The following SMARCAL1 variants were observed in gnomAD, a reference collection of about 807,000 sequenced individuals.
SMARCAL1 encodes SNF2 related chromatin remodeling annealing helicase 1.
In SMARCAL1, 58 loss-of-function variants were observed where a neutral mutation model predicts 94.5. That is an observed-to-expected ratio of 0.61 (90% CI 0.50 to 0.76). SMARCAL1 has a LOEUF of 0.76. SMARCAL1 is among the 30% of genes least tolerant of loss of function. SMARCAL1 has a pLI of 0.00. For missense variants in SMARCAL1, 1,051 were observed against 1,177.9 expected, an observed-to-expected ratio of 0.89 and a Z score of 1.58; for synonymous variants, 422 against 455.1, an observed-to-expected ratio of 0.93 and a Z score of 0.93.
intron 10 of SMARCAL1, among the ~76,000 whole-genome samples, chr2:216,442,416 CAAAAAAAA>C (rs375677725): frequency 0.015 from 1,365 of 88,760 alleles, 25 homozygotes; most frequent in African/African-American, 0.046. Flanking sequence ...GACTCTGTCT[CAAAAAAAA>C]AAAAAAAAAA....
At chr2:216,450,588 A>G (rs575622702) in intron 11 of SMARCAL1, among the ~76,000 whole-genome samples, 1 of 152,338 alleles carries the variant, frequency 6.6e-6, no homozygotes, top group South Asian at 2.1e-4. Context: ...TTGCTGCTGG[A>G]AAAGAAAGCT....
rs548747273 is a variant in SMARCAL1, at chr2:216,436,751, G to C, written c.1644+1255G>C. Among the ~76,000 whole-genome samples, 3 of 152,332 alleles carry C rather than the reference G, an allele frequency of 2.0e-5. No homozygotes were observed. In the South Asian group the frequency reaches 6.2e-4, roughly 32 times the overall value. On this transcript the variant is annotated intron_variant, in intron 9 of 17. Coordinates refer to ENST00000357276, the MANE Select transcript of SMARCAL1 (RefSeq NM_014140.4). ...AGAATAATGCTTTCAATTCTTGAGT[G>C]TTGCCTTGTGTTAGGTACTGACATA...
At chr2:216,436,682 A>G (rs1333728232) in intron 9 of SMARCAL1, among the ~76,000 whole-genome samples, 1 of 152,230 alleles carries the variant, frequency 6.6e-6, no homozygotes, top group Non-Finnish European at 1.5e-5. Flanking sequence ...AAACATTCCA[A>G]GAAGTTTCCC....
At chr2:216,464,940 G>GT (rs1371316253) in intron 13 of SMARCAL1, among the ~76,000 whole-genome samples, 2 of 152,170 alleles carry the variant, frequency 1.3e-5, no homozygotes, top group African/African-American at 4.8e-5. Flanking sequence ...GAGTCCAGGA[G>GT]TTTGAGACCA....
chr2:216,453,701 C>CCT (rs1160431331), intron 12 of SMARCAL1, among the ~76,000 whole-genome samples: 3 of 152,270 alleles, frequency 2.0e-5, no homozygotes, highest in African/African-American at 7.2e-5. Context: ...TAGAAAGTCC[C>CCT]CTCTCTCCAC....
intron 8 of SMARCAL1, among the ~76,000 whole-genome samples, chr2:216,433,959 T>G (rs960790358): frequency 6.6e-6 from 1 of 150,754 alleles, no homozygotes; most frequent in African/African-American, 2.4e-5. Flanking sequence ...CACCTTGTTT[T>G]TTTTCTGTCC....
intron 10 of SMARCAL1, among the ~76,000 whole-genome samples, chr2:216,443,807 A>G (rs1281589208): frequency 6.6e-6 from 1 of 152,198 alleles, no homozygotes; most frequent in Non-Finnish European, 1.5e-5. Flanking sequence ...GGCCATAATT[A>G]TGCTGCTTTC....
intron 5 of SMARCAL1, among the ~76,000 whole-genome samples, chr2:216,422,492 C>T (rs1693746364): frequency 6.6e-6 from 1 of 152,198 alleles, no homozygotes; most frequent in Admixed American, 6.5e-5. Flanking sequence ...TGCTCACACC[C>T]AGGTGTCCAA....
At chr2:216,434,197 G>T (rs1694023753) in intron 8 of SMARCAL1, among the ~76,000 whole-genome samples, 1 of 151,994 alleles carries the variant, frequency 6.6e-6, no homozygotes, top group Non-Finnish European at 1.5e-5. Flanking sequence ...ATTCTAGGAA[G>T]AGTCAGCCAG....
chr2:216,417,375 C>T (rs1396971180), intron 4 of SMARCAL1, among the ~76,000 whole-genome samples: 2 of 152,184 alleles, frequency 1.3e-5, no homozygotes, highest in African/African-American at 4.8e-5. Flanking sequence ...TTTTACAGTC[C>T]TGGAGGCTGG....
In SMARCAL1 at chr2:216,415,348, C is replaced by G; in HGVS notation, c.644C>G (p.Thr215Arg). Residue 215 changes from threonine (T) to arginine (R), a missense_variant, in exon 3 of 18, where the codon ACG (threonine) becomes AGG (arginine). Physicochemically the swap from Thr to Arg is moderately conservative, Grantham distance 71. Around this residue, in one of 3 missense-constraint regions of SMARCAL1, gnomAD observed 398 missense variants for 395.2 expected, o/e 1.01. Coordinates refer to ENST00000357276, the MANE Select transcript of SMARCAL1 (RefSeq NM_014140.4). The part of the protein sequence containing the change: ...SYIHSSSESV[T>R]PRTEGRLQQK... ...ATCCATTCTAGCTCAGAGAGTGTAA[C>G]GCCCAGGACAGAAGGAAGACTCCAG... The G allele has an allele frequency of 6.2e-7, 1 of 1,614,196 alleles. No individual in the cohort carries two copies. Among genetic ancestry groups the G allele is most frequent in the Non-Finnish European group, 8.5e-7 (1 of 1,180,032 alleles).
At chr2:216,450,744 C>T in intron 11 of SMARCAL1, 102 bp from the exon 12 acceptor site, 1 of 857,096 alleles carries the variant, frequency 1.2e-6, no homozygotes, top group East Asian at 2.5e-5. Flanking sequence ...TGAGCTAAGC[C>T]AGGGGTGGTT....
intron 14 of SMARCAL1, among the ~76,000 whole-genome samples, chr2:216,469,329 T>G (rs13023747): frequency 0.23 from 33,620 of 144,420 alleles, 4,751 homozygotes; most frequent in Non-Finnish European, 0.3. Flanking sequence ...TCCCCCAGGC[T>G]GGAGTGCAGT....
rs766200869 is a variant in SMARCAL1, at chr2:216,435,453, A to G, written c.1601A>G (p.Lys534Arg). ...INIVSFDLLS[K>R]LEKQLKTPFK... ...ATTGTCAGCTTTGACCTTCTTAGCA[A>G]GTTGGAAAAACAGCTAAAAACCCCT... is the stretch of plus-strand genomic sequence containing the variant. Residue 534 changes from lysine to arginine, a missense_variant, in exon 9 of 18, where the codon AAG (lysine) becomes AGG (arginine). By Grantham distance (26) the Lys-to-Arg change is conservative. This residue lies in a region of SMARCAL1 where 642 missense variants were observed against 754.7 expected (regional missense o/e 0.85). Transcript: ENST00000357276. 6.2e-7 allele frequency: 1 copy of G among 1,614,180 alleles called. No individual in the cohort carries two copies. The highest frequency in any genetic ancestry group is 1.7e-5 in the Admixed American group (1 of 60,032).
At chr2:216,430,514 A>G (rs16856102) in intron 7 of SMARCAL1, among the ~76,000 whole-genome samples, 5,750 of 152,216 alleles carry the variant, frequency 0.038, 237 homozygotes, top group East Asian at 0.16. Flanking sequence ...TCTGAGTATG[A>G]CATTTTTTTC....
chr2:216,443,308 A>G (rs1694238417), intron 10 of SMARCAL1, among the ~76,000 whole-genome samples: 1 of 137,726 alleles, frequency 7.3e-6, no homozygotes, highest in Non-Finnish European at 1.5e-5. Flanking sequence ...TGGAGGTTGC[A>G]GTGAGCCGAG....
intron 14 of SMARCAL1, among the ~76,000 whole-genome samples, chr2:216,468,478 G>C (rs1407612419): frequency 6.6e-6 from 1 of 152,172 alleles, no homozygotes; most frequent in African/African-American, 2.4e-5. Flanking sequence ...GACATTAGTA[G>C]AGAGTTTTAT....
chr2:216,430,152 ATC>A (rs1245963126), intron 7 of SMARCAL1, among the ~76,000 whole-genome samples: 3 of 151,812 alleles, frequency 2.0e-5, no homozygotes, highest in African/African-American at 7.3e-5. Flanking sequence ...CCCAGGGCAG[ATC>A]TGTTTCTCTC....
chr2:216,418,342 A>G (rs925391900), intron 4 of SMARCAL1, among the ~76,000 whole-genome samples: 3 of 152,240 alleles, frequency 2.0e-5, no homozygotes, highest in Non-Finnish European at 4.4e-5. Context: ...TAGCTTTCAG[A>G]TGAATTTTTC....
Sources: allele counts gnomAD v4.1 joint callset (sites outside exome capture counted in the v4.1 genomes callset), GRCh38; gene constraint gnomAD v4.1.1; regional missense constraint gnomAD v4.1.1; transcripts MANE v1.5; gene names NCBI Gene and HGNC (gene_info 2026-07-23, HGNC 2026-07-21).